Variants in PCSK6 observed in about 807,000 individuals in gnomAD.
The protein encoded by PCSK6 is proprotein convertase subtilisin/kexin type 6, also known as paired basic amino acid cleaving enzyme 4.
PCSK6 carries 85 observed loss-of-function variants against 123.3 expected under a neutral mutation model. That is an observed-to-expected ratio of 0.69 (90% CI 0.58 to 0.83). The LOEUF (loss-of-function observed/expected upper bound fraction) is 0.83, where lower values mean the gene tolerates loss of function less well. PCSK6 is among the 40% of genes least tolerant of loss of function. The pLI, the probability that PCSK6 is intolerant of heterozygous loss-of-function variation, is 0.00. For synonymous variants in PCSK6, 508 were observed against 516.0 expected, an observed-to-expected ratio of 0.98 and a Z score of 0.21; for missense variants, 1,191 against 1,282.3, an observed-to-expected ratio of 0.93 and a Z score of 1.09.
rs765518047 is a variant in PCSK6, at chr15:101,331,961, A to C, written c.1929T>G (p.His643Gln). The C allele has an allele frequency of 6.2e-7, 1 of 1,613,822 alleles. No homozygotes were observed. ...AEHPYHTFSA[H>Q]QSRSRMLELS... Reference sequence around the variant, plus strand: ...GCTCCAGCATCCGCGAGCGGGACTGATGGGCACTGAAGGTGTGGTACGGGT... The same window carrying C: ...GCTCCAGCATCCGCGAGCGGGACTGCTGGGCACTGAAGGTGTGGTACGGGT... Residue 643 changes from histidine to glutamine, a missense_variant, in exon 14 of 22, where the codon CAT becomes CAG. His to Gln is a conservative substitution (Grantham distance 24). This residue lies in a region of PCSK6 where 630 missense variants were observed against 631.4 expected (regional missense o/e 1.00). Transcript: ENST00000611716.
chr15:101,362,826 T>C (rs1379872493), intron 13 of PCSK6, among the ~76,000 whole-genome samples: 1 of 152,228 alleles, frequency 6.6e-6, no homozygotes, highest in Non-Finnish European at 1.5e-5. Flanking sequence ...GAAGGGCTCC[T>C]GAGCCCCCAG....
intron 6 of PCSK6, among the ~76,000 whole-genome samples, chr15:101,418,615 C>T (rs1269876815): frequency 2.0e-5 from 3 of 150,842 alleles, no homozygotes; most frequent in Admixed American, 6.6e-5. Context: ...CAGGTTCAAG[C>T]GATTCTCCTG....
Position 101,398,628 on chromosome 15 carries a change from C to A in PCSK6, c.824-52G>T, listed in dbSNP as rs1362290061. On this transcript the variant is annotated intron_variant, in intron 6 of 21. Transcript: ENST00000611716. This position sits in a 1 kb window ranked among gnomAD's most constrained non-coding sequence, Gnocchi z 4.6. The stretch of plus-strand genomic sequence containing the variant: ...CGGCGCCCAGGCTCCGGGCACACAG[C>A]GACGGGAACCCGGGCCCAGGAGGCT... 4 of 1,569,946 alleles carry A rather than the reference C, an allele frequency of 2.5e-6. No homozygotes were observed. Among genetic ancestry groups the A allele is most frequent in the Non-Finnish European group, 3.5e-6 (4 of 1,156,774 alleles).
chr15:101,448,519 CT>C (rs2056950715), intron 1 of PCSK6, among the ~76,000 whole-genome samples: 1 of 152,268 alleles, frequency 6.6e-6, no homozygotes, highest in Non-Finnish European at 1.5e-5. Flanking sequence ...CCGAGTGCCC[CT>C]GGCTCATTAC....
intron 13 of PCSK6, among the ~76,000 whole-genome samples, chr15:101,342,834 A>G (rs2040647623): frequency 6.6e-6 from 1 of 152,118 alleles, no homozygotes; most frequent in South Asian, 2.1e-4. Context: ...TCTGGGAGGC[A>G]GAAGTTACAG....
chr15:101,307,564 G>A (rs964658806), intron 20 of PCSK6: 5 of 462,784 alleles, frequency 1.1e-5, no homozygotes, highest in Non-Finnish European at 2.0e-5. Context: ...CAGTTGGCAG[G>A]AGCAAGCCCA....
At chr15:101,351,600 G>A (rs1476660452) in intron 13 of PCSK6, among the ~76,000 whole-genome samples, 1 of 152,128 alleles carries the variant, frequency 6.6e-6, no homozygotes, top group Non-Finnish European at 1.5e-5. Context: ...TACAAGCAAT[G>A]TATATTTTAT....
At chr15:101,448,112 G>A (rs1415970273) in intron 1 of PCSK6, among the ~76,000 whole-genome samples, 3 of 152,282 alleles carry the variant, frequency 2.0e-5, no homozygotes, top group Middle Eastern at 3.4e-3. Context: ...TTTGGTGCCC[G>A]TGGTATCTTC....
chr15:101,448,183 TAC>T (rs1280495778), intron 1 of PCSK6, among the ~76,000 whole-genome samples: 3 of 152,248 alleles, frequency 2.0e-5, no homozygotes, highest in Non-Finnish European at 4.4e-5. Flanking sequence ...ATTTGCTGAA[TAC>T]AGGGTGCTCA....
At chr15:101,377,713 T>C (rs2041792945) in intron 11 of PCSK6, among the ~76,000 whole-genome samples, 3 of 152,242 alleles carry the variant, frequency 2.0e-5, no homozygotes, top group Admixed American at 2.0e-4. Flanking sequence ...GATATGCGGC[T>C]AATCCAGAGT....
intron 2 of PCSK6, among the ~76,000 whole-genome samples, chr15:101,438,405 A>C (rs2056663077): frequency 6.6e-6 from 1 of 152,230 alleles, no homozygotes; most frequent in Admixed American, 6.5e-5. Context: ...TGCTTATAGG[A>C]GTCACATCTC....
At chr15:101,394,855 G>A (rs1422749911) in intron 7 of PCSK6, among the ~76,000 whole-genome samples, 5 of 152,192 alleles carry the variant, frequency 3.3e-5, no homozygotes, top group East Asian at 1.9e-4. Context: ...ACGCAGCCCC[G>A]CTGCTTAAGG....
In PCSK6 at chr15:101,382,110, G is replaced by A. The variant is rs1228096349; in HGVS notation, c.1514C>T (p.Ala505Val). 6.2e-7 allele frequency: 1 copy of A among 1,608,610 alleles called. No individual in the cohort carries two copies. ...AVPSQHMCVA[A>V]SDKRPRSIPL... is the part of the protein sequence containing the mutation. ...GCCTTACCTGGGTCTCTTGTCCGAG[G>A]CGGCCACACACATGTGCTGCGATGG... is the stretch of plus-strand genomic sequence containing the variant. Residue 505 changes from alanine to valine, a missense_variant, in exon 11 of 22, where the codon GCC becomes GTC. Ala to Val is a moderately conservative substitution (Grantham distance 64). Coordinates refer to ENST00000611716, the MANE Select transcript of PCSK6 (RefSeq NM_002570.5).
At chr15:101,310,000 G>A (rs1401705516) in intron 20 of PCSK6, among the ~76,000 whole-genome samples, 1 of 152,212 alleles carries the variant, frequency 6.6e-6, no homozygotes, top group South Asian at 2.1e-4. Flanking sequence ...AACGCAGCCC[G>A]TCTGGCCACA....
intron 15 of PCSK6, among the ~76,000 whole-genome samples, chr15:101,330,556 C>G (rs2040353025): frequency 6.6e-6 from 1 of 152,228 alleles, no homozygotes; most frequent in African/African-American, 2.4e-5. Flanking sequence ...GGCTCTCCTG[C>G]TGTCTCTGGT....
At chr15:101,316,616 C>G (rs909649261) in intron 19 of PCSK6, among the ~76,000 whole-genome samples, 2 of 152,228 alleles carry the variant, frequency 1.3e-5, no homozygotes, top group Non-Finnish European at 2.9e-5. Flanking sequence ...ATCTGCTGAG[C>G]TGCCAGCGGG....
At chr15:101,469,290 C>G (rs1202479783) in intron 1 of PCSK6, among the ~76,000 whole-genome samples, 1 of 152,164 alleles carries the variant, frequency 6.6e-6, no homozygotes, top group African/African-American at 2.4e-5. Flanking sequence ...ATAATCCAGC[C>G]TCTCCAGGCA....
chr15:101,361,798 AG>A (rs978934158), intron 13 of PCSK6, among the ~76,000 whole-genome samples: 1 of 152,056 alleles, frequency 6.6e-6, no homozygotes, highest in Admixed American at 6.5e-5. Context: ...GGGTTGAGGC[AG>A]GGGGGCCAGT....
intron 1 of PCSK6, among the ~76,000 whole-genome samples, chr15:101,467,761 G>C (rs1422269932): frequency 1.3e-5 from 2 of 152,182 alleles, no homozygotes; most frequent in African/African-American, 4.8e-5. Flanking sequence ...AGAAAAGCAA[G>C]TCTCAGAATA....
Sources: gnomAD v4.1 joint callset for allele counts (sites outside exome capture counted in the v4.1 genomes callset) on GRCh38, gnomAD v4.1.1 for gene constraint, gnomAD v4.1.1 regional missense constraint, Gnocchi (gnomAD v3.1) non-coding constraint, MANE v1.5 for transcripts, NCBI Gene and HGNC (gene_info 2026-07-23, HGNC 2026-07-21) for gene names.